Variants in FNDC3B observed in about 807,000 individuals in gnomAD.
The protein encoded by FNDC3B is fibronectin type III domain containing 3B.
In FNDC3B, 12 loss-of-function variants were observed where a neutral mutation model predicts 151.5. The ratio of observed to expected loss-of-function variants is 0.08; its 90% CI spans 0.05 to 0.13. The LOEUF is 0.13. Ranked by LOEUF, FNDC3B falls within the 10% of genes least tolerant of loss-of-function variation. FNDC3B has a pLI of 1.00. For synonymous variants in FNDC3B, 528 were observed against 549.0 expected, an observed-to-expected ratio of 0.96 and a Z score of 0.54; for missense variants, 1,214 against 1,505.3, an observed-to-expected ratio of 0.81 and a Z score of 3.20.
At chr3:172,347,832 C>T (rs534552021) in intron 21 of FNDC3B, among the ~76,000 whole-genome samples, 2 of 152,368 alleles carry the variant, frequency 1.3e-5, no homozygotes, top group South Asian at 2.1e-4. Context: ...CCACCTCCCA[C>T]CTCCCAGTGA....
At chr3:172,109,050 G>A (rs62283816) in intron 1 of FNDC3B, among the ~76,000 whole-genome samples, 20,404 of 152,090 alleles carry the variant, frequency 0.13, 2,245 homozygotes, top group African/African-American at 0.3. Flanking sequence ...TTTAAACATC[G>A]TTGGCTGCAT....
At chr3:172,210,417 A>G (rs1034438128) in intron 3 of FNDC3B, among the ~76,000 whole-genome samples, 5 of 152,080 alleles carry the variant, frequency 3.3e-5, no homozygotes, top group Admixed American at 6.5e-5. Flanking sequence ...TGGCAAAATC[A>G]TAGTCCTGGG....
intron 6 of FNDC3B, among the ~76,000 whole-genome samples, chr3:172,258,451 T>C (rs1728479964): frequency 6.6e-6 from 1 of 152,214 alleles, no homozygotes; most frequent in Non-Finnish European, 1.5e-5. Flanking sequence ...TTGTGATCAT[T>C]GCTCAGAAAC....
intron 3 of FNDC3B, among the ~76,000 whole-genome samples, chr3:172,141,147 C>T (rs201769724): frequency 6.2e-5 from 3 of 48,328 alleles, no homozygotes; most frequent in African/African-American, 1.8e-4. Context: ...CTGATTTTTC[C>T]CCCCCCTAAA....
chr3:172,257,990 A>T (rs1317163835), intron 6 of FNDC3B, among the ~76,000 whole-genome samples: 1 of 152,190 alleles, frequency 6.6e-6, no homozygotes, highest in African/African-American at 2.4e-5. Context: ...CACTTGGTTT[A>T]AGTTGAAGTA....
In FNDC3B at chr3:172,214,657, A is replaced by AT. The variant is rs150757156; in HGVS notation, c.188-12205dup. Among the ~76,000 whole-genome samples, 671 of 151,076 alleles carry AT rather than the reference A, an allele frequency of 4.4e-3. 6 individuals are homozygous for AT. The highest frequency in any genetic ancestry group is 0.015 in the African/African-American group (612 of 41,178). ...TCTGTGTTTATGGAATATTTGGTTCATTTTTTTTTCCATTTCCATAATCAC... is the reference window on the plus strand; with the variant it reads ...TCTGTGTTTATGGAATATTTGGTTCATTTTTTTTTTCCATTTCCATAATCAC... On this transcript the variant is annotated intron_variant, in intron 3 of 25. Transcript: ENST00000415807.
chr3:172,279,546 T>G (rs1384571236), intron 6 of FNDC3B, among the ~76,000 whole-genome samples: 3 of 152,244 alleles, frequency 2.0e-5, no homozygotes, highest in Non-Finnish European at 2.9e-5. Context: ...GGATTTCAAA[T>G]AGAGTAACCA....
chr3:172,186,492 A>C (rs995217040), intron 3 of FNDC3B, among the ~76,000 whole-genome samples: 1 of 152,208 alleles, frequency 6.6e-6, no homozygotes, highest in African/African-American at 2.4e-5. Flanking sequence ...CCAGTCTGGG[A>C]AAAGCTTGAC....
At chr3:172,179,460 T>A (rs1043791720) in intron 3 of FNDC3B, among the ~76,000 whole-genome samples, 7 of 152,116 alleles carry the variant, frequency 4.6e-5, no homozygotes, top group African/African-American at 1.4e-4. Context: ...ATTTTGTATG[T>A]TCAGGATATA....
chr3:172,127,759 G>A (rs528519188), intron 2 of FNDC3B, among the ~76,000 whole-genome samples: 5 of 152,138 alleles, frequency 3.3e-5, no homozygotes, highest in South Asian at 2.1e-4. Flanking sequence ...GCTGCCTCCC[G>A]AGTTCAAGCG....
chr3:172,173,236 T>A (rs1002712308), intron 3 of FNDC3B, among the ~76,000 whole-genome samples: 1 of 152,304 alleles, frequency 6.6e-6, no homozygotes, highest in African/African-American at 2.4e-5. Context: ...TGTCATAAGG[T>A]TATCTGTTCC....
rs375284131 is a variant in FNDC3B, at chr3:172,286,818, G to T, written c.849+834G>T. 3.1e-4 allele frequency among the ~76,000 whole-genome samples: 47 copies of T among 152,242 alleles called. No individual in the cohort carries two copies. In the East Asian group the frequency reaches 4.8e-3, roughly 16 times the overall value. ...TGAGCAAAGAAGTTATGTAATCAGGGCTGCATTTTCAGAATGATCAAACAG... is the reference window on the plus strand; with the variant it reads ...TGAGCAAAGAAGTTATGTAATCAGGTCTGCATTTTCAGAATGATCAAACAG... On this transcript the variant is annotated intron_variant, in intron 7 of 25. Transcript: ENST00000415807.
At chr3:172,285,025 C>A (rs759373462) in intron 6 of FNDC3B, among the ~76,000 whole-genome samples, 1 of 152,008 alleles carries the variant, frequency 6.6e-6, no homozygotes, top group Non-Finnish European at 1.5e-5. Flanking sequence ...TCCTTCCCCC[C>A]TCGTACTCTC....
At chr3:172,369,381 G>T (rs371723647) in intron 23 of FNDC3B, among the ~76,000 whole-genome samples, 1 of 151,930 alleles carries the variant, frequency 6.6e-6, no homozygotes, top group African/African-American at 2.4e-5. Context: ...CTTTTCAGGT[G>T]GTCTTTAGAA....
intron 24 of FNDC3B, among the ~76,000 whole-genome samples, chr3:172,378,683 G>C (rs1172748710): frequency 2.0e-5 from 3 of 152,158 alleles, no homozygotes; most frequent in East Asian, 1.9e-4. Flanking sequence ...AGAAATAAGG[G>C]TTAAATTCCT....
intron 23 of FNDC3B, among the ~76,000 whole-genome samples, chr3:172,377,885 T>G (rs1235988225): frequency 6.6e-6 from 1 of 152,234 alleles, no homozygotes; most frequent in African/African-American, 2.4e-5. Context: ...GGTGTCCTGT[T>G]AACATTAACT....
chr3:172,274,388 T>C (rs1401696074), intron 6 of FNDC3B, among the ~76,000 whole-genome samples: 1 of 152,176 alleles, frequency 6.6e-6, no homozygotes, highest in African/African-American at 2.4e-5. Context: ...ACACAGGAGA[T>C]GGCAGGAGAA....
chr3:172,303,990 C>A (rs1560067572), intron 9 of FNDC3B, among the ~76,000 whole-genome samples: 1 of 152,170 alleles, frequency 6.6e-6, no homozygotes, highest in African/African-American at 2.4e-5. Context: ...CTTAGCATAA[C>A]ATTGTTTAAG....
intron 1 of FNDC3B, among the ~76,000 whole-genome samples, chr3:172,078,474 C>T (rs1251733571): frequency 6.6e-6 from 1 of 152,132 alleles, no homozygotes; most frequent in Non-Finnish European, 1.5e-5. Context: ...TGTCCACCTC[C>T]AGTGGAATGT....
Sources: gnomAD v4.1 joint callset for allele counts (sites outside exome capture counted in the v4.1 genomes callset) on GRCh38, gnomAD v4.1.1 for gene constraint, MANE v1.5 for transcripts, NCBI Gene and HGNC (gene_info 2026-07-23, HGNC 2026-07-21) for gene names.